FHL5: variants seen among roughly 807,000 people sequenced by gnomAD.
FHL5 encodes the protein four and a half LIM domains protein 5.
Under a neutral mutation model 32.0 loss-of-function variants are expected in FHL5, and 33 were observed. The ratio of observed to expected loss-of-function variants is 1.03; its 90% CI spans 0.78 to 1.38. The LOEUF is 1.38. Ranked by LOEUF, FHL5 falls within the 40% of genes most tolerant of loss-of-function variation. FHL5 has a pLI of 0.00. For missense variants in FHL5, 336 were observed against 343.9 expected (o/e 0.98, Z 0.18); for synonymous variants, 114 against 113.6 (o/e 1.00, Z -0.02).
At chr6:96,593,063 T>C (rs565062839) in intron 1 of FHL5, among the ~76,000 whole-genome samples, 38 of 152,254 alleles carry the variant, frequency 2.5e-4, no homozygotes, top group African/African-American at 9.1e-4. Context: ...TTTATCATCA[T>C]GCTTAATTTT....
chr6:96,609,845 A>G (rs1771361288), intron 4 of FHL5, among the ~76,000 whole-genome samples: 1 of 152,204 alleles, frequency 6.6e-6, no homozygotes, highest in African/African-American at 2.4e-5. Context: ...CAAGTAACTT[A>G]ATGACTGTAA....
intron 1 of FHL5, among the ~76,000 whole-genome samples, chr6:96,582,095 G>T (rs530087232): frequency 4.9e-4 from 74 of 152,140 alleles, no homozygotes; most frequent in Non-Finnish European, 8.5e-4. Context: ...AGACCCTGAG[G>T]CAACCCAGCA....
intron 1 of FHL5, among the ~76,000 whole-genome samples, chr6:96,582,460 T>G (rs1770714402): frequency 6.6e-6 from 1 of 152,200 alleles, no homozygotes; most frequent in South Asian, 2.1e-4. Flanking sequence ...ATACTGTATT[T>G]TACTTCTATT....
At chr6:96,596,387 C>T (rs746074535) in intron 1 of FHL5, among the ~76,000 whole-genome samples, 2 of 152,154 alleles carry the variant, frequency 1.3e-5, no homozygotes, top group African/African-American at 2.4e-5. Context: ...TTGTCACTCA[C>T]ATTTTAACTC....
chr6:96,578,307 T>C (rs1157353071), intron 1 of FHL5, among the ~76,000 whole-genome samples: 1 of 152,234 alleles, frequency 6.6e-6, no homozygotes, highest in East Asian at 1.9e-4. Context: ...GATTGCACAA[T>C]TAATTTACTG....
intron 1 of FHL5, among the ~76,000 whole-genome samples, chr6:96,603,042 T>G (rs951799554): frequency 6.6e-6 from 1 of 152,156 alleles, no homozygotes; most frequent in African/African-American, 2.4e-5. Flanking sequence ...AAGGAGGGGA[T>G]GTAGTACACG....
At chr6:96,565,324 T>A (rs1451411116) in intron 1 of FHL5, among the ~76,000 whole-genome samples, 2 of 151,994 alleles carry the variant, frequency 1.3e-5, no homozygotes, top group African/African-American at 4.8e-5. Flanking sequence ...GAGAACAGAG[T>A]CAAGGTTTTG....
chr6:96,595,370 G>C (rs932814648), intron 1 of FHL5, among the ~76,000 whole-genome samples: 1 of 150,130 alleles, frequency 6.7e-6, no homozygotes, highest in African/African-American at 2.4e-5. Flanking sequence ...TTTTCTCTTT[G>C]AATGTCTTTA....
chr6:96,614,099 A>C (rs935143189), intron 5 of FHL5, among the ~76,000 whole-genome samples: 4 of 152,222 alleles, frequency 2.6e-5, no homozygotes, highest in African/African-American at 9.6e-5. Flanking sequence ...ATGTTGGTTC[A>C]GCCCTTTCTT....
At chr6:96,584,873 A>G (rs1303930533) in intron 1 of FHL5, among the ~76,000 whole-genome samples, 1 of 152,182 alleles carries the variant, frequency 6.6e-6, no homozygotes, top group Non-Finnish European at 1.5e-5. Context: ...AATTAATAGG[A>G]TGTGGTAACC....
At chr6:96,585,417 A>G (rs548994502) in intron 1 of FHL5, among the ~76,000 whole-genome samples, 65 of 152,286 alleles carry the variant, frequency 4.3e-4, no homozygotes, top group African/African-American at 1.6e-3. Flanking sequence ...ACTTTGAATA[A>G]CCAGATGAAA....
chr6:96,618,062 G>T lies in FHL5; in HGVS notation c.*2290G>T, dbSNP rs920885076. Among the ~76,000 whole-genome samples, 3 of 152,172 alleles carry T rather than the reference G, an allele frequency of 2.0e-5. No individual in the cohort carries two copies. The highest frequency in any genetic ancestry group is 4.4e-5 in the Non-Finnish European group (3 of 68,034). On this transcript the variant is annotated 3_prime_UTR_variant, in exon 6 of 6. Transcript: ENST00000450218. ...CTGATGCAAAGATCCTTGCCTGCAG[G>T]TTAAACAAAGCACCACATATGTAGA...
intron 4 of FHL5, among the ~76,000 whole-genome samples, chr6:96,608,455 AT>A (rs1227694217): frequency 3.9e-5 from 6 of 152,254 alleles, no homozygotes; most frequent in Admixed American, 6.5e-5. Flanking sequence ...AATCTAAACA[AT>A]TTTTTTCAAC....
At chr6:96,562,969 G>C (rs2127956169), upstream of FHL5, among the ~76,000 whole-genome samples, 2 of 152,282 alleles carry the variant, frequency 1.3e-5, no homozygotes, top group South Asian at 4.1e-4. Flanking sequence ...TCTCAAGTGT[G>C]TATGCGTCTG....
chr6:96,578,442 T>TTA (rs1770628199), intron 1 of FHL5, among the ~76,000 whole-genome samples: 3 of 152,190 alleles, frequency 2.0e-5, no homozygotes, highest in Admixed American at 2.0e-4. Flanking sequence ...GTCACTAAAC[T>TTA]GGCATCTAAT....
intron 1 of FHL5, among the ~76,000 whole-genome samples, chr6:96,586,348 GT>G (rs761750178): frequency 3.9e-5 from 6 of 152,092 alleles, no homozygotes; most frequent in Non-Finnish European, 7.4e-5. Flanking sequence ...CTAAGCATGT[GT>G]TTAAAAATTT....
chr6:96,584,110 G>A (rs150691540), intron 1 of FHL5, among the ~76,000 whole-genome samples: 18 of 152,240 alleles, frequency 1.2e-4, no homozygotes, highest in Admixed American at 2.6e-4. Flanking sequence ...TAGCCTTGAG[G>A]AGCTAATAGT....
At chr6:96,586,351 TA>T (rs1460623326) in intron 1 of FHL5, among the ~76,000 whole-genome samples, 4 of 152,224 alleles carry the variant, frequency 2.6e-5, no homozygotes, top group Non-Finnish European at 5.9e-5. Context: ...AGCATGTGTT[TA>T]AAAATTTTTT....
At chr6:96,572,353 C>T (rs1770496645) in intron 1 of FHL5, among the ~76,000 whole-genome samples, 1 of 152,122 alleles carries the variant, frequency 6.6e-6, no homozygotes, top group Admixed American at 6.5e-5. Flanking sequence ...TACTGTTTTC[C>T]CAAGAGACAG....
Sources: gnomAD v4.1 joint callset for allele counts (sites outside exome capture counted in the v4.1 genomes callset) on GRCh38, gnomAD v4.1.1 for gene constraint, MANE v1.5 for transcripts, NCBI Gene and HGNC (gene_info 2026-07-23, HGNC 2026-07-21) for gene names.